The following RCVRN variants were observed in gnomAD, a reference collection of about 807,000 sequenced individuals.
RCVRN encodes the protein recoverin.
A neutral mutation model predicts 20.4 loss-of-function variants in RCVRN; 23 were observed. The observed-to-expected ratio is 1.13, with a 90% CI of 0.81 to 1.60. The LOEUF is 1.60. Ranked by LOEUF, RCVRN falls within the 40% of genes most tolerant of loss-of-function variation. The pLI, the probability that RCVRN is intolerant of heterozygous loss-of-function variation, is 0.00. For missense variants in RCVRN, 254 were observed against 254.2 expected, an observed-to-expected ratio of 1.00 and a Z score of 0.00; for synonymous variants, 105 against 105.9, an observed-to-expected ratio of 0.99 and a Z score of 0.05.
intron 1 of RCVRN, among the ~76,000 whole-genome samples, chr17:9,902,208 A>T (rs996543597): frequency 6.6e-6 from 1 of 151,082 alleles, no homozygotes; most frequent in South Asian, 2.1e-4. Context: ...TGTTTATGCC[A>T]CTCTGAAGAC....
Position 9,904,749 on chromosome 17 carries a change from C to G in RCVRN, c.381+51G>C. The G allele has an allele frequency of 6.4e-7, 1 of 1,574,102 alleles. No individual in the cohort carries two copies. Among genetic ancestry groups the G allele is most frequent in the Non-Finnish European group, 8.6e-7 (1 of 1,157,886 alleles). ...AGCAGCTGCAGCAGGGGACCCCCAG[C>G]CCGGAGCGACCCCGGCACCGCCCAG... On this transcript the variant is annotated intron_variant, in intron 1 of 2. Coordinates refer to ENST00000226193, the MANE Select transcript of RCVRN (RefSeq NM_002903.3). This position sits in a 1 kb window ranked among gnomAD's most constrained non-coding sequence, Gnocchi z 5.8.
In RCVRN at chr17:9,904,835, T is replaced by C; in HGVS notation, c.346A>G (p.Thr116Ala). 1 of 1,614,174 alleles carries C rather than the reference T, an allele frequency of 6.2e-7. No individual in the cohort carries two copies. The change falls in exon 1 of 3, where the codon ACC becomes GCC. Residue 116 changes from threonine to alanine, a missense_variant. Thr to Ala is a moderately conservative substitution (Grantham distance 58). Transcript: ENST00000226193. The surrounding 1 kb of genome is among the most constrained non-coding windows in gnomAD (Gnocchi z 5.8). ...TCCAGCACTTCATTCTTGCTGATGG[T>C]CCCGTTACCGTCCACGTCGTAGAGG... The part of the protein sequence containing the change: ...FSLYDVDGNG[T>A]ISKNEVLEIV...
chr17:9,904,031 G>A lies in RCVRN; in HGVS notation c.381+769C>T, dbSNP rs1341144477. On this transcript the variant is annotated intron_variant, in intron 1 of 2. Coordinates refer to ENST00000226193, the MANE Select transcript of RCVRN (RefSeq NM_002903.3). This position sits in a 1 kb window ranked among gnomAD's most constrained non-coding sequence, Gnocchi z 5.8. ...TGAGGCTGGCGGATCGCTGGAGGTC[G>A]GGAGTTTGAGACCAGCCTGACCAAC... Among the ~76,000 whole-genome samples the A allele has an allele frequency of 6.6e-5, 10 of 152,038 alleles. No homozygotes were observed. Among genetic ancestry groups the A allele is most frequent in the Non-Finnish European group, 1.0e-4 (7 of 68,010 alleles).
rs911795667 is a variant in RCVRN at position 9,905,147 on chromosome 17, C to T, written c.34G>A (p.Glu12Lys). 3 of 1,610,810 alleles carry T rather than the reference C, an allele frequency of 1.9e-6. No homozygotes were observed. Among genetic ancestry groups the T allele is most frequent in the South Asian group, 1.1e-5 (1 of 90,350 alleles). The change falls in exon 1 of 3, where the codon GAG becomes AAG. Residue 12 changes from glutamate to lysine, a missense_variant. Coordinates refer to ENST00000226193, the MANE Select transcript of RCVRN (RefSeq NM_002903.3). ...GNSKSGALSK[E>K]ILEELQLNTK... ...TTCAGCTGCAGCTCCTCCAGGATCT[C>T]CTTGGACAGGGCCCCACTTTTGCTG...
chr17:9,901,662 T>C (rs962057870), intron 1 of RCVRN, among the ~76,000 whole-genome samples: 2 of 152,206 alleles, frequency 1.3e-5, no homozygotes, highest in African/African-American at 4.8e-5. Context: ...AGGTGGCTCC[T>C]ACACTCCTAT....
At position 9,898,307 on chromosome 17, in the gene RCVRN, G is replaced by A. The variant is rs569642777; in HGVS notation, c.494-103C>T. 9.4e-6 allele frequency: 7 copies of A among 746,544 alleles called. No homozygotes were observed. In the African/African-American group the frequency reaches 1.2e-4, roughly 13 times the overall value. 46.2% of individuals were successfully genotyped at this position (746,544 alleles called of 1,614,324 possible). ...TCTAGCCAGTATCCCCAGTGTGAAT[G>A]TATCTATTATAAGAATATTGAATAC... is the stretch of plus-strand genomic sequence containing the variant. On this transcript the variant is annotated intron_variant, in intron 2 of 2. Coordinates refer to ENST00000226193, the MANE Select transcript of RCVRN (RefSeq NM_002903.3).
Position 9,898,216 on chromosome 17 carries a change from G to C in RCVRN, c.494-12C>G, listed in dbSNP as rs1382415544. On this transcript the variant is annotated splice_polypyrimidine_tract_variant and intron_variant, in intron 2 of 2. Coordinates refer to ENST00000226193, the MANE Select transcript of RCVRN (RefSeq NM_002903.3). The stretch of plus-strand genomic sequence containing the variant: ...CTCTGTAAGTTTATCTGTGCATTGG[G>C]AAAAAATATATACGTACATAAAACA... 1 of 1,518,518 alleles carries C rather than the reference G, an allele frequency of 6.6e-7. No individual in the cohort carries two copies. Among genetic ancestry groups the C allele is most frequent in the African/African-American group, 1.4e-5 (1 of 73,110 alleles). 94.1% of individuals were successfully genotyped at this position (1,518,518 alleles called of 1,614,324 possible). A position where few individuals can be genotyped will look rare whatever the true frequency, so the allele number is the denominator to read the frequency against.
chr17:9,904,874 C>T lies in RCVRN; in HGVS notation c.307G>A (p.Glu103Lys), dbSNP rs2067356386. Residue 103 changes from glutamate (E) to lysine (K), a missense_variant, in exon 1 of 3, where the codon GAG (glutamate) becomes AAG (lysine). By Grantham distance (56) the Glu-to-Lys change is moderately conservative. Transcript: ENST00000226193. The surrounding 1 kb of genome is among the most constrained non-coding windows in gnomAD (Gnocchi z 5.8). The part of the protein sequence containing the change: ...TTAGKTNQKL[E>K]WAFSLYDVDG... ...ACGTCGTAGAGGGAGAAGGCCCACT[C>T]CAGCTTCTGGTTGGTCTTGCCCGCG... 6.2e-7 allele frequency: 1 copy of T among 1,614,116 alleles called. No individual in the cohort carries two copies. Among genetic ancestry groups the T allele is most frequent in the Admixed American group, 1.7e-5 (1 of 60,014 alleles).
chr17:9,905,007 G>A lies in RCVRN; in HGVS notation c.174C>T (p.Pro58=), dbSNP rs569299754. ...GGGCGTAGGCCTTGGGGTCGGTGTC[G>A]GGGAAGAACTTGGCGTAGATGCTCT... is the stretch of plus-strand genomic sequence containing the variant. ...QFQSIYAKFF[P]DTDPKAYAQH... Residue 58 remains proline, a synonymous_variant, in exon 1 of 3, where the codon CCC becomes CCT. Transcript: ENST00000226193. The A allele has an allele frequency of 1.6e-4, 255 of 1,614,122 alleles. No homozygotes were observed. Among genetic ancestry groups the A allele is most frequent in the Non-Finnish European group, 2.1e-4 (248 of 1,180,002 alleles).
rs574708289 is a variant in RCVRN at position 9,904,739 on chromosome 17, G to T, written c.381+61C>A. The T allele has an allele frequency of 1.3e-6, 2 of 1,557,958 alleles. No individual in the cohort carries two copies. The highest frequency in any genetic ancestry group is 2.2e-5 in the East Asian group (1 of 44,474). ...CTCCCTCTGCAGCAGCTGCAGCAGG[G>T]GACCCCCAGCCCGGAGCGACCCCGG... On this transcript the variant is annotated intron_variant, in intron 1 of 2. Transcript: ENST00000226193. This position sits in a 1 kb window ranked among gnomAD's most constrained non-coding sequence, Gnocchi z 5.8.
rs575289640 is a variant in RCVRN, at chr17:9,905,257, G to T, written c.-77C>A. On this transcript the variant is annotated 5_prime_UTR_variant, in exon 1 of 3. Transcript: ENST00000226193. ...GCGTGGTCCCCTGGCCGCAGGCTGGGCTCAAGGCTGGTGTGAGCTGAAGAC... is the reference window on the plus strand; with the variant it reads ...GCGTGGTCCCCTGGCCGCAGGCTGGTCTCAAGGCTGGTGTGAGCTGAAGAC... 6 of 1,445,614 alleles carry T rather than the reference G, an allele frequency of 4.2e-6. No individual in the cohort carries two copies. In the African/African-American group the frequency reaches 8.5e-5, roughly 20 times the overall value. The allele number at this position is 1,445,614 out of a possible 1,614,324, so 89.5% of individuals were successfully genotyped here. A position where few individuals can be genotyped will look rare whatever the true frequency, so the allele number is the denominator to read the frequency against.
rs113336756 is a variant in RCVRN, at chr17:9,897,431, A to T, written c.*664T>A. ...GAATTTAAATCTCCCTTCGTCAGGG[A>T]TGTGGTCCCTGATCCCCCCTGACAA... On this transcript the variant is annotated 3_prime_UTR_variant, in exon 3 of 3. Transcript: ENST00000226193. The T allele has an allele frequency of 9.4e-6, 1 of 106,240 alleles. No individual in the cohort carries two copies. Among genetic ancestry groups the T allele is most frequent in the African/African-American group, 2.7e-5 (1 of 36,762 alleles). The allele number at this position is 106,240 out of a possible 1,614,324, so 6.6% of individuals were successfully genotyped here. A position where few individuals can be genotyped will look rare whatever the true frequency, so the allele number is the denominator to read the frequency against.
chr17:9,903,133 A>T (rs2152054903), intron 1 of RCVRN, among the ~76,000 whole-genome samples: 1 of 152,360 alleles, frequency 6.6e-6, no homozygotes, highest in African/African-American at 2.4e-5. Context: ...TAGGTAAAAG[A>T]CTGAAAAGGT....
At chr17:9,898,501 G>T (rs1187398099) in intron 2 of RCVRN, among the ~76,000 whole-genome samples, 1 of 152,182 alleles carries the variant, frequency 6.6e-6, no homozygotes, top group African/African-American at 2.4e-5. Flanking sequence ...ATTGGCCGGT[G>T]CCCCTGCCTT....
At position 9,905,017 on chromosome 17, in the gene RCVRN, T is replaced by G. The variant is rs760949730; in HGVS notation, c.164A>C (p.Lys55Thr). The stretch of plus-strand genomic sequence containing the variant: ...CTTGGGGTCGGTGTCGGGGAAGAAC[T>G]TGGCGTAGATGCTCTGGAACTGCTG... ...TQQQFQSIYA[K>T]FFPDTDPKAY... The change falls in exon 1 of 3, where the codon AAG becomes ACG. Residue 55 changes from lysine (K) to threonine (T), a missense_variant. By Grantham distance (78) the Lys-to-Thr change is moderately conservative. Transcript: ENST00000226193. 3.7e-5 allele frequency: 59 copies of G among 1,613,924 alleles called. No homozygotes were observed. Among genetic ancestry groups the G allele is most frequent in the Non-Finnish European group, 4.6e-5 (54 of 1,179,990 alleles).
Position 9,901,038 on chromosome 17 carries a change from C to T in RCVRN, c.444G>A (p.Pro148=), listed in dbSNP as rs144667256. 24 of 1,610,366 alleles carry T rather than the reference C, an allele frequency of 1.5e-5. No homozygotes were observed. The highest frequency in any genetic ancestry group is 1.8e-5 in the Non-Finnish European group (21 of 1,177,116). ...VKLLPDDENT[P]EKRAEKIWKY... ...TCCAGATCTTCTCGGCTCGCTTTTCCGGCGTGTTTTCATCGTCTGGAAGGA... is the reference window on the plus strand; with the variant it reads ...TCCAGATCTTCTCGGCTCGCTTTTCTGGCGTGTTTTCATCGTCTGGAAGGA... The change falls in exon 2 of 3, where the codon CCG becomes CCA. Residue 148 remains proline (P), a synonymous_variant. Coordinates refer to ENST00000226193, the MANE Select transcript of RCVRN (RefSeq NM_002903.3).
rs538382481 is a variant in RCVRN, at chr17:9,897,621, G to T, written c.*474C>A. The T allele has an allele frequency of 6.2e-6, 1 of 161,786 alleles. No individual in the cohort carries two copies. Among genetic ancestry groups the T allele is most frequent in the East Asian group, 1.8e-4 (1 of 5,492 alleles). The allele number at this position is 161,786 out of a possible 1,614,324, so 10.0% of individuals were successfully genotyped here. A position where few individuals can be genotyped will look rare whatever the true frequency, so the allele number is the denominator to read the frequency against. On this transcript the variant is annotated 3_prime_UTR_variant, in exon 3 of 3. Transcript: ENST00000226193. Reference sequence around the variant, plus strand: ...TCCGCACCAAAGCAGCCCAGCCTAGGGCTGCCATCGCAACACAGCCTTGTC... The same window carrying T: ...TCCGCACCAAAGCAGCCCAGCCTAGTGCTGCCATCGCAACACAGCCTTGTC...
In RCVRN at chr17:9,899,479, C is replaced by T. The variant is rs557994401; in HGVS notation, c.494-1275G>A. ...CGGGGCTTCTGACGTCATCCCCTCC[C>T]GGGATGTTCACCAGGGAGGTTTTCA... On this transcript the variant is annotated intron_variant, in intron 2 of 2. Transcript: ENST00000226193. The surrounding 1 kb of genome is among the most constrained non-coding windows in gnomAD (Gnocchi z 4.6). 1.3e-4 allele frequency among the ~76,000 whole-genome samples: 20 copies of T among 152,318 alleles called. No homozygotes were observed. The East Asian group carries it at 3.7e-3, about 28-fold the overall frequency.
Position 9,899,178 on chromosome 17 carries a change from C to A in RCVRN, c.494-974G>T, listed in dbSNP as rs1298622689. Among the ~76,000 whole-genome samples, 1 of 152,180 alleles carries A rather than the reference C, an allele frequency of 6.6e-6. No homozygotes were observed. Among genetic ancestry groups the A allele is most frequent in the Non-Finnish European group, 1.5e-5 (1 of 68,014 alleles). The stretch of plus-strand genomic sequence containing the variant: ...CACAGTGCCTAGCACAGAGTCGGTG[C>A]TCAACAAAGCTTTGCTGAACTGAAT... On this transcript the variant is annotated intron_variant, in intron 2 of 2. Transcript: ENST00000226193. The surrounding 1 kb of genome is among the most constrained non-coding windows in gnomAD (Gnocchi z 4.6).
Sources: allele counts gnomAD v4.1 joint callset (sites outside exome capture counted in the v4.1 genomes callset), GRCh38; gene constraint gnomAD v4.1.1; non-coding constraint Gnocchi (gnomAD v3.1); transcripts MANE v1.5; gene names NCBI Gene and HGNC (gene_info 2026-07-23, HGNC 2026-07-21).